The following MTOR variants were observed in gnomAD, a reference collection of about 807,000 sequenced individuals.
MTOR encodes the protein mechanistic target of rapamycin kinase.
A neutral mutation model predicts 319.8 loss-of-function variants in MTOR; 70 were observed. The ratio of observed to expected loss-of-function variants is 0.22; its 90% CI spans 0.18 to 0.27. The LOEUF is 0.27. Among genes scored for constraint, MTOR ranks in the 10% least tolerant of loss-of-function variants. The probability of loss-of-function intolerance (pLI) is 1.00; values close to 1 mark genes in which losing one functional copy is unlikely to be tolerated. For synonymous variants in MTOR, 1,183 were observed against 1,211.4 expected, an observed-to-expected ratio of 0.98 and a Z score of 0.49; for missense variants, 1,890 against 3,274.4, an observed-to-expected ratio of 0.58 and a Z score of 10.32.
At chr1:11,261,261 C>T (rs1265899283) in intron 1 of MTOR, among the ~76,000 whole-genome samples, 15 of 150,108 alleles carry the variant, frequency 1.0e-4, no homozygotes, top group African/African-American at 3.7e-4. Flanking sequence ...GTCAGGAAAT[C>T]GAGACCATCC....
chr1:11,222,736 A>G (rs1034182997), intron 19 of MTOR, among the ~76,000 whole-genome samples: 1 of 152,074 alleles, frequency 6.6e-6, no homozygotes, highest in Non-Finnish European at 1.5e-5. Context: ...CTCCTGAGAG[A>G]TATGTCATGG....
intron 13 of MTOR, among the ~76,000 whole-genome samples, chr1:11,236,780 G>C (rs1289461889): frequency 6.6e-6 from 1 of 152,066 alleles, no homozygotes; most frequent in African/African-American, 2.4e-5. Flanking sequence ...CAAAGTGCTG[G>C]GATTACAGGC....
At chr1:11,157,370 C>T in intron 29 of MTOR, 79 bp from the exon 30 acceptor site, 1 of 1,518,258 alleles carries the variant, frequency 6.6e-7, no homozygotes, top group Non-Finnish European at 8.9e-7. Flanking sequence ...ACTCTCTTTC[C>T]TAATGTGCTG....
At chr1:11,110,940 C>T (rs2100295089) in intron 54 of MTOR, among the ~76,000 whole-genome samples, 1 of 152,222 alleles carries the variant, frequency 6.6e-6, no homozygotes, top group East Asian at 1.9e-4. Flanking sequence ...ATATAGTAGC[C>T]ACTTGAGAAT....
intron 16 of MTOR, among the ~76,000 whole-genome samples, chr1:11,231,989 A>AT (rs1270012521): frequency 6.6e-6 from 1 of 152,072 alleles, no homozygotes; most frequent in Non-Finnish European, 1.5e-5. Context: ...AAGTGCTAGG[A>AT]TTACAAGTGT....
intron 28 of MTOR, chr1:11,195,165 G>A: frequency 1.0e-6 from 1 of 953,856 alleles, no homozygotes; most frequent in Non-Finnish European, 1.5e-6. Flanking sequence ...AAGTCTCCAA[G>A]GAGCACAAAA....
rs1233324603 is a variant in MTOR at position 11,127,256 on chromosome 1, A to G, written c.6217-112T>C. The G allele has an allele frequency of 6.9e-7, 1 of 1,453,686 alleles. No individual in the cohort carries two copies. Among genetic ancestry groups the G allele is most frequent in the African/African-American group, 1.4e-5 (1 of 71,196 alleles). The allele number at this position is 1,453,686 out of a possible 1,614,324, so 90.0% of individuals were successfully genotyped here. ...CTCAGGAGCCCGCTGTGGCCTGAAA[A>G]CACTGGCAGGGGGCTGGAGAAAGCA... is the stretch of plus-strand genomic sequence containing the variant. On this transcript the variant is annotated intron_variant, in intron 44 of 57. Transcript: ENST00000361445. This position sits in a 1 kb window ranked among gnomAD's most constrained non-coding sequence, Gnocchi z 5.5.
At chr1:11,211,091 G>A (rs1158913007) in intron 23 of MTOR, among the ~76,000 whole-genome samples, 185 bp from the exon 24 acceptor site, 1 of 152,172 alleles carries the variant, frequency 6.6e-6, no homozygotes, top group East Asian at 1.9e-4. Context: ...CCATCATCTG[G>A]TTTATGATGG....
chr1:11,158,333 G>A (rs2100573246), intron 29 of MTOR, among the ~76,000 whole-genome samples: 1 of 152,278 alleles, frequency 6.6e-6, no homozygotes, highest in Non-Finnish European at 1.5e-5. Flanking sequence ...TGTTTGTGCA[G>A]TATGTAGACT....
intron 45 of MTOR, 50 bp from the exon 46 acceptor site, chr1:11,126,846 T>C (rs1391686846): frequency 6.3e-7 from 1 of 1,593,680 alleles, no homozygotes; most frequent in South Asian, 1.1e-5. Context: ...GGGAAGAATT[T>C]AAACGCAATT....
intron 26 of MTOR, among the ~76,000 whole-genome samples, chr1:11,202,310 C>T (rs1645997691): frequency 6.7e-6 from 1 of 148,304 alleles, no homozygotes; most frequent in Non-Finnish European, 1.5e-5. Context: ...AGTCCCAGCT[C>T]ATTGGGAGGC....
At chr1:11,230,246 C>G (rs776085001) in intron 18 of MTOR, among the ~76,000 whole-genome samples, 4 of 152,110 alleles carry the variant, frequency 2.6e-5, no homozygotes, top group Non-Finnish European at 5.9e-5. Flanking sequence ...CATGGCAAAA[C>G]CCCTCCCTAC....
intron 28 of MTOR, among the ~76,000 whole-genome samples, chr1:11,173,240 C>T (rs113636942): frequency 1.3e-3 from 189 of 150,116 alleles, no homozygotes; most frequent in African/African-American, 4.1e-3. Flanking sequence ...GTGATCTGTC[C>T]GCCTCGGTCT....
At chr1:11,223,790 A>G (rs1471746078) in intron 19 of MTOR, among the ~76,000 whole-genome samples, 1 of 152,196 alleles carries the variant, frequency 6.6e-6, no homozygotes, top group East Asian at 1.9e-4. Context: ...CTGTAATCCC[A>G]GCACTTTGGG....
intron 28 of MTOR, among the ~76,000 whole-genome samples, chr1:11,174,036 T>TTA (rs1252994077): frequency 6.6e-6 from 1 of 152,214 alleles, no homozygotes; most frequent in Non-Finnish European, 1.5e-5. Flanking sequence ...TATTCTCATT[T>TTA]TATATATGAA....
chr1:11,256,286 A>C, intron 4 of MTOR, 94 bp from the exon 5 acceptor site: 1 of 1,492,618 alleles, frequency 6.7e-7, no homozygotes, highest in Non-Finnish European at 8.9e-7. Flanking sequence ...CATACACACC[A>C]GGAACAGAGA....
At chr1:11,190,018 A>G (rs1374314554) in intron 28 of MTOR, 2 of 1,534,414 alleles carry the variant, frequency 1.3e-6, no homozygotes, top group East Asian at 2.3e-5. Context: ...CTGCTTCTAC[A>G]TATCCTGGTC....
chr1:11,112,872 T>C lies in MTOR; in HGVS notation c.7346A>G (p.Tyr2449Cys). ...NKRSRTRTDS[Y>C]SAGQSVEILD... Reference sequence around the variant, plus strand: ...CCTACCGACTGACTGGCCAGCAGAGTAGGAATCCGTCCTCGTTCGGGATCG... The same window carrying C: ...CCTACCGACTGACTGGCCAGCAGAGCAGGAATCCGTCCTCGTTCGGGATCG... The change falls in exon 54 of 58, where the codon TAC (tyrosine) becomes TGC (cysteine). Residue 2449 changes from tyrosine (Y) to cysteine (C), a missense_variant. By Grantham distance (194) the Tyr-to-Cys change is radical (BLOSUM62 -2). Around this residue, in one of 15 missense-constraint regions of MTOR, gnomAD observed 49 missense variants for 67.6 expected, o/e 0.72. Coordinates refer to ENST00000361445, the MANE Select transcript of MTOR (RefSeq NM_004958.4). 6.2e-7 allele frequency: 1 copy of C among 1,614,140 alleles called. No homozygotes were observed. Among genetic ancestry groups the C allele is most frequent in the Non-Finnish European group, 8.5e-7 (1 of 1,180,022 alleles).
rs2100609945 is a variant in MTOR at position 11,167,478 on chromosome 1, T to C, written c.4293A>G (p.Gly1431=). 6.2e-7 allele frequency: 1 copy of C among 1,613,536 alleles called. No individual in the cohort carries two copies. The highest frequency in any genetic ancestry group is 1.7e-4 in the Middle Eastern group (1 of 6,060). Residue 1431 remains glycine (G), a synonymous_variant, in exon 29 of 58, where the codon GGA becomes GGG. Coordinates refer to ENST00000361445, the MANE Select transcript of MTOR (RefSeq NM_004958.4). ...NKLQQPEAAA[G]VLEYAMKHFG... ...AGTGTTTCATGGCATATTCTAACAC[T>C]CCGGCCGCTGCCTCCGGCTGCTGTA...
Sources: allele counts gnomAD v4.1 joint callset (sites outside exome capture counted in the v4.1 genomes callset), GRCh38; gene constraint gnomAD v4.1.1; regional missense constraint gnomAD v4.1.1; non-coding constraint Gnocchi (gnomAD v3.1); transcripts MANE v1.5; gene names NCBI Gene and HGNC (gene_info 2026-07-23, HGNC 2026-07-21).